Variants in ALPK1 observed in about 807,000 individuals in gnomAD.
ALPK1 encodes the protein alpha kinase 1.
ALPK1 carries 110 observed loss-of-function variants against 120.6 expected under a neutral mutation model. The ratio of observed to expected loss-of-function variants is 0.91; its 90% CI spans 0.78 to 1.07. The LOEUF (loss-of-function observed/expected upper bound fraction) is 1.07, where lower values mean the gene tolerates loss of function less well. ALPK1 is among the 50% of genes least tolerant of loss of function. The pLI is 0.00. For synonymous variants in ALPK1, 582 were observed against 560.3 expected (o/e 1.04, Z -0.55); for missense variants, 1,498 against 1,483.9 (o/e 1.01, Z -0.16).
At chr4:112,365,048 G>C (rs755517866) in intron 2 of ALPK1, among the ~76,000 whole-genome samples, 7 of 151,976 alleles carry the variant, frequency 4.6e-5, no homozygotes, top group Non-Finnish European at 4.4e-5. Flanking sequence ...GTATAGAAAG[G>C]CCATACCTTA....
At chr4:112,399,338 T>A (rs535416619) in intron 4 of ALPK1, among the ~76,000 whole-genome samples, 1 of 152,340 alleles carries the variant, frequency 6.6e-6, no homozygotes, top group East Asian at 1.9e-4. Flanking sequence ...TTTGCTCAGC[T>A]AAATCTTCTA....
At chr4:112,304,198 C>T (rs1300576290) in intron 1 of ALPK1, among the ~76,000 whole-genome samples, 2 of 151,708 alleles carry the variant, frequency 1.3e-5, no homozygotes, top group African/African-American at 2.4e-5. Flanking sequence ...TGAATAGTGC[C>T]ACAATAAACA....
chr4:112,435,074 G>A, intron 11 of ALPK1, 74 bp from the exon 12 acceptor site: 2 of 1,456,108 alleles, frequency 1.4e-6, no homozygotes, highest in East Asian at 2.3e-5. Context: ...TAGGACCTGT[G>A]TCACATCAGC....
intron 4 of ALPK1, among the ~76,000 whole-genome samples, chr4:112,389,031 A>G (rs1400007295): frequency 6.7e-6 from 1 of 150,110 alleles, no homozygotes; most frequent in Non-Finnish European, 1.5e-5. Flanking sequence ...GGGGCACACA[A>G]GGAGGGCCAT....
In ALPK1 at chr4:112,363,682, A is replaced by G. The variant is rs187456495; in HGVS notation, c.-100-13996A>G. ...AAGTCAACAAGGCAACAATGGATTT[A>G]AACTATACAACAAATGGACTTCACA... On this transcript the variant is annotated intron_variant, in intron 2 of 15. Coordinates refer to ENST00000650871, the MANE Select transcript of ALPK1 (RefSeq NM_025144.4). Among the ~76,000 whole-genome samples the G allele has an allele frequency of 2.0e-3, 308 of 152,290 alleles. 1 individual carries two copies. Among genetic ancestry groups the G allele is most frequent in the African/African-American group, 5.0e-3 (206 of 41,574 alleles).
chr4:112,301,902 A>G (rs1459605879), intron 1 of ALPK1, among the ~76,000 whole-genome samples: 1 of 151,652 alleles, frequency 6.6e-6, no homozygotes, highest in Non-Finnish European at 1.5e-5. Flanking sequence ...ATGCATTTTC[A>G]CCCCATATCC....
chr4:112,389,640 G>T lies in ALPK1; in HGVS notation c.276+7088G>T, dbSNP rs28627711. On this transcript the variant is annotated intron_variant, in intron 4 of 15. Transcript: ENST00000650871. ...CAGAAGAGCATGTGGTGACCGGTTGGACAGACGGGGTGGGCACTAAGTATA... is the reference window on the plus strand; with the variant it reads ...CAGAAGAGCATGTGGTGACCGGTTGTACAGACGGGGTGGGCACTAAGTATA... Among the ~76,000 whole-genome samples the T allele has an allele frequency of 4.1e-3, 620 of 152,360 alleles. 2 individuals carry two copies. The highest frequency in any genetic ancestry group is 0.014 in the African/African-American group (596 of 41,590).
At chr4:112,302,532 A>G (rs1449175665) in intron 1 of ALPK1, 1 of 152,300 alleles carries the variant, frequency 6.6e-6, no homozygotes, top group East Asian at 1.9e-4. Context: ...CCTCTACTTA[A>G]AAACCTCACG....
chr4:112,356,928 TG>T, intron 2 of ALPK1: 1 of 757,922 alleles, frequency 1.3e-6, no homozygotes, highest in South Asian at 1.3e-5. Context: ...TCCTTTGACC[TG>T]ACCCCCCATG....
At chr4:112,434,108 A>G (rs1223693427) in intron 11 of ALPK1, among the ~76,000 whole-genome samples, 1 of 152,258 alleles carries the variant, frequency 6.6e-6, no homozygotes, top group African/African-American at 2.4e-5. Flanking sequence ...TTTTGGAATC[A>G]CATTTATTAC....
intron 4 of ALPK1, among the ~76,000 whole-genome samples, chr4:112,385,879 A>G (rs754704660): frequency 2.2e-4 from 33 of 152,190 alleles, no homozygotes; most frequent in Admixed American, 2.0e-3. Flanking sequence ...TAGTTTATTC[A>G]TAAATATAAA....
chr4:112,413,704 C>T (rs554724326), intron 5 of ALPK1, among the ~76,000 whole-genome samples: 1 of 152,346 alleles, frequency 6.6e-6, no homozygotes, highest in East Asian at 1.9e-4. Context: ...CAGGTGCAAG[C>T]TGCCATGCCT....
chr4:112,426,135 G>T, intron 7 of ALPK1: 1 of 207,424 alleles, frequency 4.8e-6, no homozygotes, highest in Non-Finnish European at 9.6e-6. Flanking sequence ...TTTATAGAAT[G>T]CTAATATACT....
At chr4:112,331,718 T>C (rs553875845) in intron 2 of ALPK1, among the ~76,000 whole-genome samples, 2 of 152,350 alleles carry the variant, frequency 1.3e-5, no homozygotes, top group African/African-American at 4.8e-5. Flanking sequence ...TCTAAGGAGA[T>C]GTGGCATCAC....
intron 4 of ALPK1, among the ~76,000 whole-genome samples, chr4:112,386,067 C>T (rs1456852976): frequency 6.6e-6 from 1 of 152,222 alleles, no homozygotes; most frequent in East Asian, 1.9e-4. Context: ...CTGTTTTCCA[C>T]AGTTCATGAG....
intron 4 of ALPK1, among the ~76,000 whole-genome samples, chr4:112,405,852 G>A (rs753764378): frequency 5.9e-5 from 9 of 152,158 alleles, no homozygotes; most frequent in Non-Finnish European, 1.2e-4. Context: ...TGGGATTACA[G>A]GCATGAGCCA....
intron 2 of ALPK1, chr4:112,359,623 G>A: frequency 4.1e-6 from 1 of 245,450 alleles, no homozygotes; most frequent in Non-Finnish European, 8.3e-6. Context: ...AAGACCCAGA[G>A]CAAGATCTCA....
intron 2 of ALPK1, among the ~76,000 whole-genome samples, chr4:112,326,264 A>AG (rs1324574321): frequency 1.9e-4 from 29 of 152,340 alleles, no homozygotes; most frequent in Admixed American, 3.3e-4. Flanking sequence ...AAATGCTGGA[A>AG]GGAACAAGCC....
chr4:112,358,295 A>T, intron 2 of ALPK1: 1 of 600,090 alleles, frequency 1.7e-6, no homozygotes. Context: ...CAGGGTGTAC[A>T]ACTTCGGCCA....
Sources: gnomAD v4.1 joint callset for allele counts (sites outside exome capture counted in the v4.1 genomes callset) on GRCh38, gnomAD v4.1.1 for gene constraint, MANE v1.5 for transcripts, NCBI Gene and HGNC (gene_info 2026-07-23, HGNC 2026-07-21) for gene names.